CAMK1D: variants seen among roughly 807,000 people sequenced by gnomAD.
CAMK1D encodes the protein calcium/calmodulin dependent protein kinase ID, also known as calcium/calmodulin-dependent protein kinase type 1D.
CAMK1D carries 9 observed loss-of-function variants against 47.7 expected under a neutral mutation model. The ratio of observed to expected loss-of-function variants is 0.19; its 90% CI spans 0.11 to 0.33. The LOEUF (loss-of-function observed/expected upper bound fraction) is 0.33, where lower values mean the gene tolerates loss of function less well. Among genes scored for constraint, CAMK1D ranks in the 10% least tolerant of loss-of-function variants. The probability of loss-of-function intolerance (pLI) is 1.00; values close to 1 mark genes in which losing one functional copy is unlikely to be tolerated. For synonymous variants in CAMK1D, 184 were observed against 184.9 expected (o/e 0.99, Z 0.04); for missense variants, 291 against 488.7 (o/e 0.60, Z 3.81).
chr10:12,815,111 A>G (rs1167789205), intron 7 of CAMK1D, among the ~76,000 whole-genome samples: 1 of 152,236 alleles, frequency 6.6e-6, no homozygotes, highest in Non-Finnish European at 1.5e-5. Context: ...CAGAAGGTGA[A>G]ATAACTTGAC....
At position 12,401,086 on chromosome 10, in the gene CAMK1D, TTA is replaced by T. The variant is rs1259970691; in HGVS notation, c.92+51184_92+51185del. 5.6e-3 allele frequency among the ~76,000 whole-genome samples: 417 copies of T among 73,984 alleles called. 9 individuals carry two copies. Among genetic ancestry groups the T allele is most frequent in the African/African-American group, 0.024 (401 of 16,580 alleles). 48.5% of individuals were successfully genotyped at this position (73,984 alleles called of 152,430 possible). On this transcript the variant is annotated intron_variant, in intron 1 of 10. Transcript: ENST00000619168. ...ATATTTTATATATATAATATATGTA[TTA>T]TATATATTATATATATATTTTATAT...
chr10:12,577,311 C>T (rs1837521004), intron 2 of CAMK1D, among the ~76,000 whole-genome samples: 2 of 152,170 alleles, frequency 1.3e-5, no homozygotes, highest in African/African-American at 4.8e-5. Context: ...AGGAACTATG[C>T]CTCCAGCCCT....
chr10:12,678,373 T>C (rs1017700678), intron 3 of CAMK1D, among the ~76,000 whole-genome samples: 4 of 152,262 alleles, frequency 2.6e-5, no homozygotes, highest in South Asian at 2.1e-4. Context: ...TTCAGTCTTT[T>C]AAATTTTATT....
chr10:12,496,284 C>T (rs944454500), intron 1 of CAMK1D, among the ~76,000 whole-genome samples: 1 of 152,156 alleles, frequency 6.6e-6, no homozygotes, highest in Non-Finnish European at 1.5e-5. Context: ...GTCAAGATTG[C>T]CTGCAAATCA....
At chr10:12,706,039 G>T (rs1164197467) in intron 3 of CAMK1D, among the ~76,000 whole-genome samples, 1 of 152,114 alleles carries the variant, frequency 6.6e-6, no homozygotes, top group Admixed American at 6.6e-5. Context: ...ATCTGAGGGG[G>T]GTGTGTCCCA....
intron 1 of CAMK1D, among the ~76,000 whole-genome samples, chr10:12,485,760 A>G (rs2132108457): frequency 6.6e-6 from 1 of 152,356 alleles, no homozygotes; most frequent in East Asian, 1.9e-4. Flanking sequence ...GAACTTTCAG[A>G]AGAAAATTGC....
intron 3 of CAMK1D, among the ~76,000 whole-genome samples, chr10:12,691,722 A>G (rs1260409410): frequency 6.6e-6 from 1 of 151,984 alleles, no homozygotes; most frequent in Non-Finnish European, 1.5e-5. Flanking sequence ...ACGTGCTGGG[A>G]TTACAAGCAT....
At chr10:12,500,164 G>C (rs1010988365) in intron 1 of CAMK1D, among the ~76,000 whole-genome samples, 11 of 152,190 alleles carry the variant, frequency 7.2e-5, no homozygotes, top group African/African-American at 2.7e-4. Flanking sequence ...TACTTGGGAG[G>C]CTGAGGCAAG....
chr10:12,503,288 C>T (rs954782405), intron 1 of CAMK1D, among the ~76,000 whole-genome samples: 4 of 152,144 alleles, frequency 2.6e-5, no homozygotes, highest in African/African-American at 9.7e-5. Context: ...TTGCTCCTCG[C>T]CCCGCCTGAT....
At chr10:12,403,561 T>C (rs989556399) in intron 1 of CAMK1D, among the ~76,000 whole-genome samples, 49 of 152,208 alleles carry the variant, frequency 3.2e-4, no homozygotes, top group Non-Finnish European at 5.9e-4. Context: ...AAATTTACTA[T>C]TGAATGTAAA....
intron 2 of CAMK1D, 120 bp from the exon 3 acceptor site, chr10:12,666,616 A>T: frequency 2.6e-6 from 2 of 760,544 alleles, no homozygotes; most frequent in Non-Finnish European, 4.4e-6. Flanking sequence ...TGAAGTCTGA[A>T]ATCTTTTTGT....
chr10:12,758,256 G>C (rs954086451), intron 3 of CAMK1D, among the ~76,000 whole-genome samples: 2 of 152,116 alleles, frequency 1.3e-5, no homozygotes, highest in East Asian at 3.8e-4. Context: ...TCTGGGGGAC[G>C]TAAACATTCA....
rs1270948158 is a variant in CAMK1D at position 12,830,558 on chromosome 10, T to A, written c.*1671T>A. 6.6e-6 allele frequency: 1 copy of A among 152,220 alleles called. No homozygotes were observed. The allele number at this position is 152,220 out of a possible 1,614,324, so 9.4% of individuals were successfully genotyped here. The stretch of plus-strand genomic sequence containing the variant: ...GGACATTTAATGCCAAAACCAGGAA[T>A]ATCCGGGGCAAAGCAGGCTGTGTTG... On this transcript the variant is annotated 3_prime_UTR_variant, in exon 11 of 11. Transcript: ENST00000619168.
intron 3 of CAMK1D, among the ~76,000 whole-genome samples, chr10:12,759,255 AG>A (rs1441724886): frequency 1.3e-5 from 2 of 152,198 alleles, no homozygotes; most frequent in Non-Finnish European, 2.9e-5. Context: ...AAGCTGATGT[AG>A]GGTGGGAGGA....
At chr10:12,418,121 C>G (rs1839917607) in intron 1 of CAMK1D, among the ~76,000 whole-genome samples, 2 of 152,170 alleles carry the variant, frequency 1.3e-5, no homozygotes, top group Admixed American at 6.5e-5. Context: ...TTAAAAGAAG[C>G]CCTCGCCCTG....
At chr10:12,628,858 A>C (rs1393635122) in intron 2 of CAMK1D, among the ~76,000 whole-genome samples, 1 of 152,156 alleles carries the variant, frequency 6.6e-6, no homozygotes, top group African/African-American at 2.4e-5. Context: ...CCTTTTCTAT[A>C]AGGTCATATA....
intron 1 of CAMK1D, among the ~76,000 whole-genome samples, chr10:12,380,879 A>G (rs1838320589): frequency 6.6e-6 from 1 of 152,100 alleles, no homozygotes; most frequent in Admixed American, 6.6e-5. Flanking sequence ...CAAAAAAACA[A>G]ACCCCACGCA....
intron 5 of CAMK1D, among the ~76,000 whole-genome samples, chr10:12,786,209 A>T (rs1837716324): frequency 6.6e-6 from 1 of 152,198 alleles, no homozygotes; most frequent in South Asian, 2.1e-4. Context: ...TCATTTCCAA[A>T]TCAATTTGCT....
intron 3 of CAMK1D, among the ~76,000 whole-genome samples, chr10:12,678,923 C>T (rs1293649196): frequency 6.6e-6 from 1 of 152,026 alleles, no homozygotes; most frequent in Non-Finnish European, 1.5e-5. Flanking sequence ...CCATCATGCC[C>T]AGCTAATTTT....
Sources: allele counts gnomAD v4.1 joint callset (sites outside exome capture counted in the v4.1 genomes callset), GRCh38; gene constraint gnomAD v4.1.1; transcripts MANE v1.5; gene names NCBI Gene and HGNC (gene_info 2026-07-23, HGNC 2026-07-21).